UBTD2: variants seen among roughly 807,000 people sequenced by gnomAD.
The protein encoded by UBTD2 is ubiquitin domain-containing protein 2.
Under a neutral mutation model 19.8 loss-of-function variants are expected in UBTD2, and 9 were observed. That is an observed-to-expected ratio of 0.46 (90% CI 0.27 to 0.79). The LOEUF is 0.79. UBTD2 is among the 30% of genes least tolerant of loss of function. The probability of loss-of-function intolerance (pLI) is 0.14; values close to 1 mark genes in which losing one functional copy is unlikely to be tolerated. For synonymous variants in UBTD2, 98 were observed against 103.9 expected, an observed-to-expected ratio of 0.94 and a Z score of 0.35; for missense variants, 250 against 300.4, an observed-to-expected ratio of 0.83 and a Z score of 1.24.
At chr5:172,224,586 C>T (rs1771724436) in intron 2 of UBTD2, among the ~76,000 whole-genome samples, 2 of 152,030 alleles carry the variant, frequency 1.3e-5, no homozygotes, top group African/African-American at 4.8e-5. Flanking sequence ...CCACTGTGCC[C>T]GGCCAAGATC....
intron 2 of UBTD2, among the ~76,000 whole-genome samples, chr5:172,221,959 T>C (rs1771660907): frequency 6.6e-6 from 1 of 152,022 alleles, no homozygotes; most frequent in African/African-American, 2.4e-5. Flanking sequence ...GAGCAGGGGG[T>C]ATATGGGAAA....
At chr5:172,239,296 T>A (rs1772075933) in intron 1 of UBTD2, among the ~76,000 whole-genome samples, 1 of 152,102 alleles carries the variant, frequency 6.6e-6, no homozygotes, top group African/African-American at 2.4e-5. Context: ...AAATTCAAAG[T>A]CCAGATCTCA....
At chr5:172,271,433 GAA>G (rs10683593) in intron 1 of UBTD2, among the ~76,000 whole-genome samples, 2 of 124,624 alleles carry the variant, frequency 1.6e-5, no homozygotes, top group African/African-American at 3.0e-5. Context: ...CACCTCAAAA[GAA>G]AAAAAAAAAA....
intron 1 of UBTD2, among the ~76,000 whole-genome samples, chr5:172,266,406 A>G (rs1755376786): frequency 6.6e-6 from 1 of 152,224 alleles, no homozygotes; most frequent in African/African-American, 2.4e-5. Flanking sequence ...ACAGCAGAGC[A>G]GGCACCAGAC....
intron 2 of UBTD2, among the ~76,000 whole-genome samples, chr5:172,233,778 A>G (rs1428011623): frequency 7.8e-6 from 1 of 128,084 alleles, no homozygotes; most frequent in African/African-American, 2.9e-5. Flanking sequence ...GGAAGCTCCA[A>G]TAGATTGGCA....
At chr5:172,224,693 C>T (rs1034317060) in intron 2 of UBTD2, among the ~76,000 whole-genome samples, 1 of 152,136 alleles carries the variant, frequency 6.6e-6, no homozygotes, top group Admixed American at 6.6e-5. Context: ...GCCTTGCTTC[C>T]CCATCATGAT....
intron 2 of UBTD2, among the ~76,000 whole-genome samples, chr5:172,225,254 A>G (rs937021583): frequency 1.2e-4 from 19 of 152,152 alleles, no homozygotes; most frequent in African/African-American, 4.6e-4. Flanking sequence ...TTCTGATTTC[A>G]TACATAATTT....
At chr5:172,279,327 C>T (rs1001709799) in intron 1 of UBTD2, among the ~76,000 whole-genome samples, 1 of 152,170 alleles carries the variant, frequency 6.6e-6, no homozygotes, top group Non-Finnish European at 1.5e-5. Context: ...AGATACTATC[C>T]ACCTCATAAG....
At chr5:172,244,045 G>C (rs1429691525) in intron 1 of UBTD2, among the ~76,000 whole-genome samples, 1 of 151,958 alleles carries the variant, frequency 6.6e-6, no homozygotes, top group South Asian at 2.1e-4. Context: ...TGATCTAGTT[G>C]CAACGTTCTA....
chr5:172,223,870 C>T (rs1033020551), intron 2 of UBTD2, among the ~76,000 whole-genome samples: 1 of 151,994 alleles, frequency 6.6e-6, no homozygotes, highest in African/African-American at 2.4e-5. Flanking sequence ...TGGAAGAGAA[C>T]AAAAGACAGA....
intron 2 of UBTD2, among the ~76,000 whole-genome samples, chr5:172,216,300 A>G (rs1771541734): frequency 1.3e-5 from 2 of 152,182 alleles, no homozygotes; most frequent in African/African-American, 4.8e-5. Flanking sequence ...TAACATACAC[A>G]TGATGGGAAC....
At chr5:172,279,819 T>C (rs1302474087) in intron 1 of UBTD2, among the ~76,000 whole-genome samples, 4 of 152,260 alleles carry the variant, frequency 2.6e-5, no homozygotes, top group Admixed American at 2.0e-4. Context: ...AATGTCATTC[T>C]AGTACGGCGG....
chr5:172,234,339 C>T lies in UBTD2; in HGVS notation c.90G>A (p.Gln30=). ...ATTTTGGTTTCTCCTTTTTCAAAGG[C>T]TGGTTACGACCTAGAGCAACTGAAA... ...EGTGVALGRN[Q]PLKKEKPKWK... The change falls in exon 2 of 3, where the codon CAG becomes CAA. Residue 30 remains glutamine, a synonymous_variant. Coordinates refer to ENST00000393792, the MANE Select transcript of UBTD2 (RefSeq NM_152277.3). The T allele has an allele frequency of 6.2e-7, 1 of 1,614,140 alleles. No homozygotes were observed. The highest frequency in any genetic ancestry group is 8.5e-7 in the Non-Finnish European group (1 of 1,180,028).
chr5:172,270,359 T>A (rs908016142), intron 1 of UBTD2, among the ~76,000 whole-genome samples: 1 of 142,978 alleles, frequency 7.0e-6, no homozygotes, highest in East Asian at 2.0e-4. Flanking sequence ...AATTTTTTTT[T>A]TTTTTTTTTT....
rs1771436724 is a variant in UBTD2, at chr5:172,211,237, A to C, written c.*593T>G. 1 of 152,356 alleles carries C rather than the reference A, an allele frequency of 6.6e-6. No individual in the cohort carries two copies. The highest frequency in any genetic ancestry group is 1.5e-5 in the Non-Finnish European group (1 of 68,028). The allele number at this position is 152,356 out of a possible 1,614,324, so 9.4% of individuals were successfully genotyped here. A position where few individuals can be genotyped will look rare whatever the true frequency, so the allele number is the denominator to read the frequency against. On this transcript the variant is annotated 3_prime_UTR_variant, in exon 3 of 3. Transcript: ENST00000393792. ...TGTGGGGATGAGGAAAGCAACACTA[A>C]AGCACAATTTGCCAGTCTCTACTCA...
chr5:172,231,062 C>T (rs1581215114), intron 2 of UBTD2, among the ~76,000 whole-genome samples: 2 of 152,132 alleles, frequency 1.3e-5, no homozygotes, highest in South Asian at 4.1e-4. Flanking sequence ...GGATTACAGG[C>T]GTAAGCCACT....
At chr5:172,251,361 C>T (rs1172418740) in intron 1 of UBTD2, among the ~76,000 whole-genome samples, 1 of 148,270 alleles carries the variant, frequency 6.7e-6, no homozygotes, top group Non-Finnish European at 1.5e-5. Context: ...AGATGGGTTC[C>T]TGTCAGAAAT....
intron 1 of UBTD2, among the ~76,000 whole-genome samples, chr5:172,272,405 C>T (rs1455733755): frequency 2.6e-5 from 4 of 152,014 alleles, no homozygotes; most frequent in Non-Finnish European, 4.4e-5. Flanking sequence ...AAAGCAGAAG[C>T]GGAAAGATGC....
In UBTD2 at chr5:172,238,192, C is replaced by T. The variant is rs10041780; in HGVS notation, c.71-3834G>A. On this transcript the variant is annotated intron_variant, in intron 1 of 2. Transcript: ENST00000393792. ...TATGCTCTTAAACTTTCAGTTTTATCTGCTTCACACATCTTCTGACTGCTG... is the reference window on the plus strand; with the variant it reads ...TATGCTCTTAAACTTTCAGTTTTATTTGCTTCACACATCTTCTGACTGCTG... 9.5e-3 allele frequency among the ~76,000 whole-genome samples: 1,453 copies of T among 152,298 alleles called. 31 individuals carry two copies. The highest frequency in any genetic ancestry group is 0.033 in the African/African-American group (1,363 of 41,550).
Sources: gnomAD v4.1 joint callset for allele counts (sites outside exome capture counted in the v4.1 genomes callset) on GRCh38, gnomAD v4.1.1 for gene constraint, MANE v1.5 for transcripts, NCBI Gene and HGNC (gene_info 2026-07-23, HGNC 2026-07-21) for gene names.